The following EFCAB5 variants were observed in gnomAD, a reference collection of about 807,000 sequenced individuals.
The protein encoded by EFCAB5 is EF-hand calcium binding domain 5, also known as EF-hand calcium-binding domain-containing protein 5.
A neutral mutation model predicts 167.9 loss-of-function variants in EFCAB5; 131 were observed. That is an observed-to-expected ratio of 0.78 (90% confidence interval 0.68 to 0.90). The LOEUF is 0.90. Ranked by LOEUF, EFCAB5 falls within the 40% of genes least tolerant of loss-of-function variation. The probability of loss-of-function intolerance (pLI) is 0.00; values close to 1 mark genes in which losing one functional copy is unlikely to be tolerated. For missense variants in EFCAB5, 1,663 were observed against 1,745.2 expected (o/e 0.95, Z 0.84); for synonymous variants, 574 against 602.8 (o/e 0.95, Z 0.70).
At chr17:30,070,229 T>TA (rs200752550) in intron 14 of EFCAB5, among the ~76,000 whole-genome samples, 11 of 150,174 alleles carry the variant, frequency 7.3e-5, no homozygotes, top group East Asian at 1.9e-4. Context: ...TACAGCCCCT[T>TA]AAAAAAAAAG....
chr17:30,057,948 C>T (rs1597739118), intron 13 of EFCAB5, 58 bp downstream of exon 13: 1 of 1,483,810 alleles, frequency 6.7e-7, no homozygotes, highest in East Asian at 2.3e-5. Context: ...GTAAATCTCT[C>T]AACCTCAGTT....
chr17:30,054,137 A>G lies in EFCAB5; in HGVS notation c.2183A>G (p.Asp728Gly). The change falls in exon 10 of 23, where the codon GAT becomes GGT. Residue 728 changes from aspartate to glycine, a missense_variant. Asp to Gly is a moderately conservative substitution (Grantham distance 94). Transcript: ENST00000394835. Reference sequence around the variant, plus strand: ...GAAGTTCCAACCTTAAGCAGAAAAGATCACTTTCCAGGTAGTAATGCAGTT... The same window carrying G: ...GAAGTTCCAACCTTAAGCAGAAAAGGTCACTTTCCAGGTAGTAATGCAGTT... ...QEEVPTLSRK[D>G]HFPETTKKEV... 3.2e-6 allele frequency: 5 copies of G among 1,548,538 alleles called. No homozygotes were observed. The highest frequency in any genetic ancestry group is 4.4e-6 in the Non-Finnish European group (5 of 1,149,088).
chr17:29,970,486 C>G (rs543478160), intron 4 of EFCAB5, among the ~76,000 whole-genome samples: 1 of 151,264 alleles, frequency 6.6e-6, no homozygotes, highest in East Asian at 1.9e-4. Context: ...GGAGGGAAAA[C>G]GAAAAGACAA....
intron 3 of EFCAB5, among the ~76,000 whole-genome samples, chr17:29,963,463 T>C (rs1052917732): frequency 6.6e-6 from 1 of 152,208 alleles, no homozygotes. Flanking sequence ...TAATATTTTG[T>C]TGAGGATTTT....
In EFCAB5 at chr17:30,087,853, T is replaced by C. The variant is rs540696974; in HGVS notation, c.3683+687T>C. Among the ~76,000 whole-genome samples, 4 of 152,320 alleles carry C rather than the reference T, an allele frequency of 2.6e-5. No homozygotes were observed. The East Asian group carries it at 7.7e-4, about 29-fold the overall frequency. Reference sequence around the variant, plus strand: ...CAAATGGTATTTCAGGTTCTAGGCCTTTGAGGAATCACCACACTGTCTTCC... The same window carrying C: ...CAAATGGTATTTCAGGTTCTAGGCCCTTGAGGAATCACCACACTGTCTTCC... On this transcript the variant is annotated intron_variant, in intron 19 of 22. Coordinates refer to ENST00000394835, the MANE Select transcript of EFCAB5 (RefSeq NM_198529.4).
At chr17:30,064,966 A>C (rs1176481169) in intron 14 of EFCAB5, among the ~76,000 whole-genome samples, 1 of 152,220 alleles carries the variant, frequency 6.6e-6, no homozygotes, top group Non-Finnish European at 1.5e-5. Context: ...ACCCAGAAAA[A>C]CTATCCTTCA....
intron 4 of EFCAB5, among the ~76,000 whole-genome samples, chr17:29,975,126 A>G (rs867286441): frequency 6.6e-5 from 10 of 152,154 alleles, no homozygotes; most frequent in African/African-American, 1.9e-4. Context: ...AAAACCAGTC[A>G]GTGGGCCAGA....
chr17:29,966,445 A>G (rs746152413), intron 3 of EFCAB5, among the ~76,000 whole-genome samples: 12 of 152,132 alleles, frequency 7.9e-5, no homozygotes, highest in Non-Finnish European at 1.8e-4. Context: ...AGCCTAAGCA[A>G]CATAGTAAGA....
rs192081622 is a variant in EFCAB5 at position 29,972,739 on chromosome 17, C to T, written c.767+3372C>T. The stretch of plus-strand genomic sequence containing the variant: ...GAAGATCCTGTGGCCGGCCAGAAAG[C>T]GTCCTTGCTGAACACTACCAGGACC... On this transcript the variant is annotated intron_variant, in intron 4 of 22. Coordinates refer to ENST00000394835, the MANE Select transcript of EFCAB5 (RefSeq NM_198529.4). The T allele has an allele frequency of 8.4e-4, 185 of 220,354 alleles. 2 individuals are homozygous for T. Among genetic ancestry groups the T allele is most frequent in the Middle Eastern group, 3.0e-3 (3 of 998 alleles). The allele number at this position is 220,354 out of a possible 1,614,324, so 13.6% of individuals were successfully genotyped here. A position where few individuals can be genotyped will look rare whatever the true frequency, so the allele number is the denominator to read the frequency against.
At chr17:30,097,149 C>T (rs939707602) in intron 22 of EFCAB5, among the ~76,000 whole-genome samples, 3 of 151,260 alleles carry the variant, frequency 2.0e-5, no homozygotes, top group African/African-American at 7.3e-5. Flanking sequence ...CTCTGCCTCC[C>T]AGGTTCAAGC....
chr17:30,007,887 T>A (rs1313154349), intron 7 of EFCAB5, among the ~76,000 whole-genome samples: 1 of 151,728 alleles, frequency 6.6e-6, no homozygotes, highest in East Asian at 2.0e-4. Context: ...CTCAGGAGGC[T>A]GAGACCTAGG....
At chr17:29,960,148 C>T (rs941283748) in intron 3 of EFCAB5, among the ~76,000 whole-genome samples, 2 of 152,304 alleles carry the variant, frequency 1.3e-5, no homozygotes, top group East Asian at 1.9e-4. Context: ...AGTCACTGTG[C>T]TCTCCCTGCC....
chr17:30,094,445 C>G (rs2071256021), intron 22 of EFCAB5, among the ~76,000 whole-genome samples: 1 of 136,944 alleles, frequency 7.3e-6, no homozygotes, highest in East Asian at 2.1e-4. Flanking sequence ...CCAACGTGGG[C>G]AGATTGCTTG....
intron 17 of EFCAB5, 67 bp downstream of exon 17, chr17:30,081,048 G>A: frequency 7.7e-7 from 1 of 1,303,988 alleles, no homozygotes. Flanking sequence ...TTTAAAGAGT[G>A]AAACCTGAAA....
rs550491310 is a variant in EFCAB5 at position 30,035,667 on chromosome 17, A to G, written c.1200+1282A>G. On this transcript the variant is annotated intron_variant, in intron 8 of 22. Coordinates refer to ENST00000394835, the MANE Select transcript of EFCAB5 (RefSeq NM_198529.4). ...GTGATTAAATTATGTGGGGAGTCTTATAAGAGTTATTCTAACAAGGTCTGT... is the reference window on the plus strand; with the variant it reads ...GTGATTAAATTATGTGGGGAGTCTTGTAAGAGTTATTCTAACAAGGTCTGT... Among the ~76,000 whole-genome samples the G allele has an allele frequency of 6.6e-5, 10 of 152,320 alleles. No homozygotes were observed. The East Asian group carries it at 1.3e-3, about 21-fold the overall frequency.
chr17:30,075,275 G>A (rs780503696), intron 14 of EFCAB5, among the ~76,000 whole-genome samples: 4 of 151,730 alleles, frequency 2.6e-5, no homozygotes, highest in African/African-American at 4.8e-5. Flanking sequence ...TGCACTAATC[G>A]GCCCTTCCCA....
intron 16 of EFCAB5, 111 bp from the exon 17 acceptor site, chr17:30,080,642 C>T (rs1330885243): frequency 2.5e-6 from 2 of 798,556 alleles, no homozygotes; most frequent in Admixed American, 2.8e-5. Context: ...GTCCACTGCT[C>T]GGTCATATAA....
At chr17:30,035,626 A>G (rs1039203958) in intron 8 of EFCAB5, among the ~76,000 whole-genome samples, 3 of 152,240 alleles carry the variant, frequency 2.0e-5, no homozygotes, top group African/African-American at 7.2e-5. Context: ...GACAAAGAAC[A>G]GTAAACCGTG....
chr17:30,002,856 T>C (rs747683622), intron 7 of EFCAB5, among the ~76,000 whole-genome samples: 19 of 152,178 alleles, frequency 1.2e-4, no homozygotes, highest in Non-Finnish European at 2.1e-4. Flanking sequence ...TGATTGAAAA[T>C]TCTTCTATTT....
Sources: allele counts gnomAD v4.1 joint callset (sites outside exome capture counted in the v4.1 genomes callset), GRCh38; gene constraint gnomAD v4.1.1; transcripts MANE v1.5; gene names NCBI Gene and HGNC (gene_info 2026-07-23, HGNC 2026-07-21).